Variants in AGBL3 observed in about 807,000 individuals in gnomAD.
AGBL3 encodes the protein cytosolic carboxypeptidase 3.
A neutral mutation model predicts 94.5 loss-of-function variants in AGBL3; 68 were observed. The observed-to-expected ratio is 0.72, with a 90% CI of 0.59 to 0.88. The LOEUF is 0.88. Among genes scored for constraint, AGBL3 ranks in the 40% least tolerant of loss-of-function variants. AGBL3 has a pLI of 0.00. For missense variants in AGBL3, 934 were observed against 1,103.8 expected (o/e 0.85, Z 2.18); for synonymous variants, 354 against 370.7 (o/e 0.95, Z 0.52).
intron 8 of AGBL3, among the ~76,000 whole-genome samples, chr7:135,043,493 T>C (rs1432057946): frequency 1.3e-5 from 2 of 152,058 alleles, no homozygotes; most frequent in Non-Finnish European, 2.9e-5. Context: ...GGTTAATGGG[T>C]ACAAAAAATA....
chr7:135,045,917 T>C lies in AGBL3; in HGVS notation c.1841+6T>C, dbSNP rs1584933528. ...ACATTGGATGTAGAGTCTAGGTAAC[T>C]CAAGGCTGCTGAAGTAATGCAATTT... On this transcript the variant is annotated splice_donor_region_variant and intron_variant, in intron 11 of 16. Coordinates refer to ENST00000436302, the MANE Select transcript of AGBL3 (RefSeq NM_178563.4). 1 of 1,496,350 alleles carries C rather than the reference T, an allele frequency of 6.7e-7. No individual in the cohort carries two copies. The highest frequency in any genetic ancestry group is 1.4e-5 in the African/African-American group (1 of 71,586). 92.7% of individuals were successfully genotyped at this position (1,496,350 alleles called of 1,614,324 possible).
intron 4 of AGBL3, among the ~76,000 whole-genome samples, chr7:135,015,471 A>G (rs1813663242): frequency 1.3e-5 from 2 of 152,128 alleles, no homozygotes; most frequent in South Asian, 4.1e-4. Context: ...CGTAAAGAAC[A>G]ATTTTAGTGG....
intron 11 of AGBL3, among the ~76,000 whole-genome samples, chr7:135,052,713 GGAT>G (rs1446362816): frequency 6.6e-6 from 1 of 152,082 alleles, no homozygotes; most frequent in African/African-American, 2.4e-5. Flanking sequence ...TTCTAAATGA[GGAT>G]AAGAGACAGA....
At chr7:135,116,872 T>A (rs1826394519) in intron 16 of AGBL3, among the ~76,000 whole-genome samples, 1 of 152,138 alleles carries the variant, frequency 6.6e-6, no homozygotes, top group African/African-American at 2.4e-5. Flanking sequence ...TACAGGCTAT[T>A]GTTGAGAGCT....
chr7:135,026,666 T>C (rs1325217296), intron 5 of AGBL3, among the ~76,000 whole-genome samples: 2 of 151,706 alleles, frequency 1.3e-5, no homozygotes, highest in African/African-American at 4.8e-5. Flanking sequence ...AATACCAGTT[T>C]TCTTATGTTT....
chr7:135,026,494 C>T (rs985856818), intron 5 of AGBL3, among the ~76,000 whole-genome samples: 3 of 151,106 alleles, frequency 2.0e-5, no homozygotes, highest in Admixed American at 1.3e-4. Flanking sequence ...AGGGTGGTCT[C>T]GAACTCCTGA....
intron 12 of AGBL3, among the ~76,000 whole-genome samples, chr7:135,071,988 G>A (rs893246657): frequency 5.3e-5 from 8 of 152,070 alleles, no homozygotes; most frequent in African/African-American, 1.7e-4. Context: ...CTATAGAATG[G>A]GAGAAAATTT....
In AGBL3 at chr7:134,997,010, G is replaced by A. The variant is rs144903617; in HGVS notation, c.310+3332G>A. 5.5e-3 allele frequency among the ~76,000 whole-genome samples: 845 copies of A among 152,262 alleles called. 5 individuals carry two copies. The highest frequency in any genetic ancestry group is 9.2e-3 in the Non-Finnish European group (623 of 68,010). ...ATTAAAATCAGCAAAGGTAAATGGC[G>A]TATAGCAGTGGTCCCCAAACTTTTC... On this transcript the variant is annotated intron_variant, in intron 4 of 16. Coordinates refer to ENST00000436302, the MANE Select transcript of AGBL3 (RefSeq NM_178563.4).
chr7:135,083,159 C>T (rs1259592243), intron 15 of AGBL3, among the ~76,000 whole-genome samples: 6 of 152,022 alleles, frequency 3.9e-5, no homozygotes, highest in Admixed American at 2.0e-4. Flanking sequence ...ACCATCATTA[C>T]CATCATTCTT....
chr7:135,046,203 A>G (rs1817343389), intron 11 of AGBL3, among the ~76,000 whole-genome samples: 1 of 151,952 alleles, frequency 6.6e-6, no homozygotes, highest in African/African-American at 2.4e-5. Context: ...AATAGACTTT[A>G]TTTTAGCTTT....
chr7:135,036,412 AC>A (rs1423453576), intron 7 of AGBL3, among the ~76,000 whole-genome samples: 1 of 152,136 alleles, frequency 6.6e-6, no homozygotes, highest in African/African-American at 2.4e-5. Flanking sequence ...GTCAATTCAA[AC>A]TTTGGTACCA....
chr7:134,998,880 G>C (rs554176699), intron 4 of AGBL3, among the ~76,000 whole-genome samples: 1 of 152,270 alleles, frequency 6.6e-6, no homozygotes, highest in South Asian at 2.1e-4. Flanking sequence ...TTTGTAGTTT[G>C]TACCAGTGTC....
intron 15 of AGBL3, 35 bp downstream of exon 15, chr7:135,081,825 G>T: frequency 2.9e-6 from 4 of 1,357,668 alleles, no homozygotes; most frequent in Non-Finnish European, 3.1e-6. Flanking sequence ...GTAATGAGTG[G>T]TCCCCTATGA....
intron 5 of AGBL3, among the ~76,000 whole-genome samples, chr7:135,017,886 G>C (rs1813986715): frequency 6.6e-6 from 1 of 151,986 alleles, no homozygotes; most frequent in East Asian, 1.9e-4. Context: ...CAAATGGAGA[G>C]GAATACCTAT....
intron 16 of AGBL3, among the ~76,000 whole-genome samples, chr7:135,126,993 G>A (rs1827964533): frequency 1.3e-5 from 2 of 152,160 alleles, no homozygotes; most frequent in Non-Finnish European, 1.5e-5. Flanking sequence ...AAAAGCAATT[G>A]CAACAGAAGC....
Position 134,993,489 on chromosome 7 carries a change from T to G in AGBL3, c.125-4T>G, listed in dbSNP as rs765293678. On this transcript the variant is annotated splice_region_variant and splice_polypyrimidine_tract_variant and intron_variant, in intron 3 of 16. Coordinates refer to ENST00000436302, the MANE Select transcript of AGBL3 (RefSeq NM_178563.4). The stretch of plus-strand genomic sequence containing the variant: ...TCATGATTGTGTTTGAATCTTTTTC[T>G]CAGCTGACTCTTTTGGTGATCCCTT... 6.5e-7 allele frequency: 1 copy of G among 1,531,052 alleles called. No homozygotes were observed. The highest frequency in any genetic ancestry group is 8.8e-7 in the Non-Finnish European group (1 of 1,137,260). 94.8% of individuals were successfully genotyped at this position (1,531,052 alleles called of 1,614,324 possible). A position where few individuals can be genotyped will look rare whatever the true frequency, so the allele number is the denominator to read the frequency against.
intron 4 of AGBL3, among the ~76,000 whole-genome samples, chr7:134,996,724 T>A (rs1431899456): frequency 6.6e-6 from 1 of 152,190 alleles, no homozygotes; most frequent in Non-Finnish European, 1.5e-5. Flanking sequence ...ACTGCATAAA[T>A]ATCCTTTTAT....
intron 15 of AGBL3, 95 bp downstream of exon 15, chr7:135,081,885 T>A: frequency 1.3e-6 from 1 of 794,576 alleles, no homozygotes; most frequent in Non-Finnish European, 1.9e-6. Context: ...GGGGAAACAG[T>A]AGAAATTTAC....
chr7:135,024,389 C>G (rs548132807), intron 5 of AGBL3, among the ~76,000 whole-genome samples: 2 of 152,138 alleles, frequency 1.3e-5, no homozygotes, highest in Non-Finnish European at 2.9e-5. Context: ...AACATTCTGC[C>G]CAATATACAT....
Sources: gnomAD v4.1 joint callset for allele counts (sites outside exome capture counted in the v4.1 genomes callset) on GRCh38, gnomAD v4.1.1 for gene constraint, MANE v1.5 for transcripts, NCBI Gene and HGNC (gene_info 2026-07-23, HGNC 2026-07-21) for gene names.